The following CDH20 variants were observed in gnomAD, a reference collection of about 807,000 sequenced individuals.
CDH20 encodes the protein cadherin 20.
In CDH20, 29 loss-of-function variants were observed where a neutral mutation model predicts 74.2. That is an observed-to-expected ratio of 0.39 (90% CI 0.29 to 0.53). CDH20 has a LOEUF of 0.53. CDH20 is among the 20% of genes least tolerant of loss of function. The pLI, the probability that CDH20 is intolerant of heterozygous loss-of-function variation, is 0.69. For synonymous variants in CDH20, 469 were observed against 405.4 expected (o/e 1.16, Z -1.88); for missense variants, 988 against 1,048.3 (o/e 0.94, Z 0.79).
At position 61,339,681 on chromosome 18, in the gene CDH20, A is replaced by ATTTTTTTTTTT. The variant is rs898945778; in HGVS notation, c.-153+5868_-153+5878dup. On this transcript the variant is annotated intron_variant, in intron 1 of 11. Transcript: ENST00000262717. Reference sequence around the variant, plus strand: ...ATGGATACATCTGATGGTCATAGAAATTTTTTTTTTTTTTTTTTTTTTTTG... The same window carrying ATTTTTTTTTTT: ...ATGGATACATCTGATGGTCATAGAAATTTTTTTTTTTTTTTTTTTTTTTTTTTTTTTTTTTG... Among the ~76,000 whole-genome samples, 110 of 88,408 alleles carry ATTTTTTTTTTT rather than the reference A, an allele frequency of 1.2e-3. 1 individual carries two copies. The highest frequency in any genetic ancestry group is 1.6e-3 in the Non-Finnish European group (77 of 46,914). The allele number at this position is 88,408 out of a possible 152,430, so 58.0% of individuals were successfully genotyped here.
chr18:61,425,081 C>T (rs1415651103), intron 1 of CDH20, among the ~76,000 whole-genome samples: 2 of 151,442 alleles, frequency 1.3e-5, no homozygotes, highest in East Asian at 3.9e-4. Context: ...CTCTCTCACT[C>T]ACTCCGGCTC....
intron 1 of CDH20, among the ~76,000 whole-genome samples, chr18:61,465,951 T>C (rs2144367985): frequency 6.6e-6 from 1 of 152,130 alleles, no homozygotes; most frequent in Non-Finnish European, 1.5e-5. Context: ...TCTCAGCTAC[T>C]CAAGAGGCTG....
intron 1 of CDH20, among the ~76,000 whole-genome samples, chr18:61,368,578 A>C (rs1910933620): frequency 6.6e-6 from 1 of 152,072 alleles, no homozygotes; most frequent in Non-Finnish European, 1.5e-5. Context: ...TGGACATTAG[A>C]AGACTGTTTT....
At chr18:61,405,202 C>T in intron 1 of CDH20, 1 of 444,552 alleles carries the variant, frequency 2.2e-6, no homozygotes, top group African/African-American at 2.0e-5. Flanking sequence ...TTTGCAGCCA[C>T]CATCTTTCTG....
At chr18:61,511,364 T>G (rs1911778308) in intron 6 of CDH20, among the ~76,000 whole-genome samples, 1 of 151,302 alleles carries the variant, frequency 6.6e-6, no homozygotes, top group African/African-American at 2.5e-5. Flanking sequence ...GTTTTGTTTT[T>G]GTAGAGACAA....
intron 2 of CDH20, among the ~76,000 whole-genome samples, chr18:61,493,908 C>A (rs1340640660): frequency 1.3e-5 from 2 of 152,144 alleles, no homozygotes; most frequent in Non-Finnish European, 2.9e-5. Flanking sequence ...AGACGCCACT[C>A]ACCAACTTTG....
intron 1 of CDH20, among the ~76,000 whole-genome samples, chr18:61,444,949 T>C (rs1427334954): frequency 1.3e-5 from 2 of 152,190 alleles, no homozygotes; most frequent in Non-Finnish European, 2.9e-5. Flanking sequence ...AAGGGGTTGC[T>C]CTAAATGCTA....
intron 1 of CDH20, among the ~76,000 whole-genome samples, chr18:61,448,768 ATCTC>A: frequency 6.6e-6 from 1 of 152,278 alleles, no homozygotes; most frequent in Middle Eastern, 3.4e-3. Context: ...AAGTGACTAA[ATCTC>A]TCTCTGGAGG....
intron 1 of CDH20, among the ~76,000 whole-genome samples, chr18:61,443,058 G>A (rs771867864): frequency 2.5e-4 from 38 of 152,186 alleles, no homozygotes; most frequent in Non-Finnish European, 4.9e-4. Flanking sequence ...ATGATGGAAA[G>A]GGTGGGAGAG....
At chr18:61,542,299 C>A (rs1464896997) in intron 9 of CDH20, among the ~76,000 whole-genome samples, 1 of 152,132 alleles carries the variant, frequency 6.6e-6, no homozygotes, top group Non-Finnish European at 1.5e-5. Context: ...AGTCTCCTGG[C>A]CCTCACCTTC....
chr18:61,532,903 A>G (rs1196815038), intron 7 of CDH20, among the ~76,000 whole-genome samples: 1 of 152,222 alleles, frequency 6.6e-6, no homozygotes, highest in Admixed American at 6.5e-5. Flanking sequence ...TTGTATATAT[A>G]GCTTCAAATC....
chr18:61,353,311 G>A lies in CDH20; in HGVS notation c.-153+19484G>A, dbSNP rs1568106767. On this transcript the variant is annotated intron_variant, in intron 1 of 11. Coordinates refer to ENST00000262717, the MANE Select transcript of CDH20 (RefSeq NM_031891.4). This position sits in a 1 kb window ranked among gnomAD's most constrained non-coding sequence, Gnocchi z 4.6. ...TTGTTCTTATACTTCTCTGGCCCTG[G>A]GCTTTTCTCATCTACATGCTGTTCT... Among the ~76,000 whole-genome samples, 1 of 151,996 alleles carries A rather than the reference G, an allele frequency of 6.6e-6. No individual in the cohort carries two copies. The highest frequency in any genetic ancestry group is 1.5e-5 in the Non-Finnish European group (1 of 68,006).
intron 6 of CDH20, among the ~76,000 whole-genome samples, chr18:61,520,360 A>G (rs117753191): frequency 0.021 from 3,097 of 150,400 alleles, 87 homozygotes; most frequent in Non-Finnish European, 0.033. Context: ...ACAGAATGGT[A>G]AAGGTATCAA....
At chr18:61,372,731 T>C (rs1030461250) in intron 1 of CDH20, among the ~76,000 whole-genome samples, 1 of 152,156 alleles carries the variant, frequency 6.6e-6, no homozygotes, top group African/African-American at 2.4e-5. Context: ...TTATGGATTG[T>C]CTATGTCTGC....
intron 4 of CDH20, among the ~76,000 whole-genome samples, chr18:61,502,457 A>G (rs534032948): frequency 6.6e-6 from 1 of 152,316 alleles, no homozygotes; most frequent in South Asian, 2.1e-4. Context: ...GCTTACAGGT[A>G]GTAGGGAAGC....
In CDH20 at chr18:61,490,490, T is replaced by C. The variant is rs1039963539; in HGVS notation, c.-64T>C. 1 of 1,528,632 alleles carries C rather than the reference T, an allele frequency of 6.5e-7. No individual in the cohort carries two copies. Among genetic ancestry groups the C allele is most frequent in the Non-Finnish European group, 9.0e-7 (1 of 1,113,748 alleles). The allele number at this position is 1,528,632 out of a possible 1,614,324, so 94.7% of individuals were successfully genotyped here. On this transcript the variant is annotated 5_prime_UTR_variant, in exon 2 of 12. Coordinates refer to ENST00000262717, the MANE Select transcript of CDH20 (RefSeq NM_031891.4). The stretch of plus-strand genomic sequence containing the variant: ...CAAAAACTGTGTATTTTTTTAAATT[T>C]GGAAAATACTCAAGTTCCAGTTGCT...
intron 1 of CDH20, among the ~76,000 whole-genome samples, chr18:61,459,047 C>A (rs1909678358): frequency 6.6e-6 from 1 of 152,158 alleles, no homozygotes; most frequent in African/African-American, 2.4e-5. Context: ...GTAATAGCTC[C>A]TAAGTGGAAC....
At chr18:61,519,184 T>G (rs868027628) in intron 6 of CDH20, among the ~76,000 whole-genome samples, 2 of 151,460 alleles carry the variant, frequency 1.3e-5, no homozygotes, top group African/African-American at 2.4e-5. Flanking sequence ...TGGAACCAAG[T>G]TGGAAAACAC....
intron 10 of CDH20, among the ~76,000 whole-genome samples, chr18:61,545,739 A>G (rs1913226442): frequency 2.0e-5 from 3 of 152,230 alleles, no homozygotes; most frequent in Admixed American, 6.5e-5. Flanking sequence ...TAAGGAGACA[A>G]AGGATAATAG....
Sources: allele counts gnomAD v4.1 joint callset (sites outside exome capture counted in the v4.1 genomes callset), GRCh38; gene constraint gnomAD v4.1.1; non-coding constraint Gnocchi (gnomAD v3.1); transcripts MANE v1.5; gene names NCBI Gene and HGNC (gene_info 2026-07-23, HGNC 2026-07-21).